NUMB: variants seen among roughly 807,000 people sequenced by gnomAD.
NUMB encodes the protein NUMB endocytic adaptor protein.
NUMB carries 29 observed loss-of-function variants against 59.7 expected under a neutral mutation model. The ratio of observed to expected loss-of-function variants is 0.49; its 90% CI spans 0.36 to 0.66. The LOEUF (loss-of-function observed/expected upper bound fraction) is 0.66. Among genes scored for constraint, NUMB ranks in the 30% least tolerant of loss-of-function variants. The pLI is 0.00. For synonymous variants in NUMB, 288 were observed against 288.2 expected (o/e 1.00, Z 0.01); for missense variants, 723 against 822.0 (o/e 0.88, Z 1.47).
chr14:73,346,942 C>A (rs556957065), intron 4 of NUMB, among the ~76,000 whole-genome samples: 2 of 152,258 alleles, frequency 1.3e-5, no homozygotes, highest in African/African-American at 4.8e-5. Context: ...TAATTATGCT[C>A]AAGTAGTTCC....
At chr14:73,316,536 G>T in intron 5 of NUMB, 114 bp from the exon 6 acceptor site, 3 of 912,144 alleles carry the variant, frequency 3.3e-6, no homozygotes, top group Non-Finnish European at 3.5e-6. Flanking sequence ...GGGAGAAGGG[G>T]TGGGAGTGAG....
chr14:73,371,997 A>G (rs1213692621), intron 2 of NUMB, among the ~76,000 whole-genome samples: 1 of 152,038 alleles, frequency 6.6e-6, no homozygotes, highest in Non-Finnish European at 1.5e-5. Context: ...TTTGGAAGGC[A>G]GGCGTGGGAG....
rs376139748 is a variant in NUMB, at chr14:73,337,366, T to C, written c.127-14162A>G. 3.3e-5 allele frequency among the ~76,000 whole-genome samples: 5 copies of C among 152,098 alleles called. No homozygotes were observed. In the South Asian group the frequency reaches 1.0e-3, roughly 32 times the overall value. On this transcript the variant is annotated intron_variant, in intron 4 of 12. Transcript: ENST00000555238. ...AAAATACAAAATTAGCTGGGAGTGG[T>C]GGTGCATGCCTGTAATCCCAGCTAC...
At chr14:73,359,916 T>C (rs1894021794) in intron 3 of NUMB, among the ~76,000 whole-genome samples, 1 of 152,150 alleles carries the variant, frequency 6.6e-6, no homozygotes, top group African/African-American at 2.4e-5. Context: ...AAAAGACTTC[T>C]AAAATATATC....
Position 73,454,548 on chromosome 14 carries a change from C to T in NUMB, c.-233+3945G>A, listed in dbSNP as rs1020248644. Among the ~76,000 whole-genome samples the T allele has an allele frequency of 2.6e-5, 4 of 152,252 alleles. No individual in the cohort carries two copies. In the South Asian group the frequency reaches 8.3e-4, roughly 32 times the overall value. Reference sequence around the variant, plus strand: ...CAGAGACTTATAAAACAAGACAAGGCTTCTCTGAAATAGAAAATAAACCTA... The same window carrying T: ...CAGAGACTTATAAAACAAGACAAGGTTTCTCTGAAATAGAAAATAAACCTA... On this transcript the variant is annotated intron_variant, in intron 1 of 12. Coordinates refer to ENST00000555238, the MANE Select transcript of NUMB (RefSeq NM_001005743.2).
At chr14:73,389,196 G>A (rs1033555610) in intron 2 of NUMB, among the ~76,000 whole-genome samples, 2 of 145,884 alleles carry the variant, frequency 1.4e-5, no homozygotes, top group East Asian at 2.1e-4. Context: ...GTTTGAACCC[G>A]GGAGTCTGAG....
At chr14:73,290,034 T>C (rs1405134983) in intron 8 of NUMB, among the ~76,000 whole-genome samples, 1 of 152,170 alleles carries the variant, frequency 6.6e-6, no homozygotes, top group Non-Finnish European at 1.5e-5. Context: ...CAATCTATGT[T>C]TTAAAACAAG....
intron 2 of NUMB, among the ~76,000 whole-genome samples, chr14:73,382,962 A>G (rs1594971145): frequency 6.6e-6 from 1 of 152,188 alleles, no homozygotes. Context: ...CCTGGCCAAT[A>G]TGGCAAAACC....
rs760184189 is a variant in NUMB, at chr14:73,278,809, ACT to A, written c.1240+470_1240+471del. ...GTGGCGCAATCTTGGCTCACGGCAA[ACT>A]CTGTCTCCCAGGTTCAAGCGATTCT... On this transcript the variant is annotated intron_variant, in intron 12 of 12. Transcript: ENST00000555238. Among the ~76,000 whole-genome samples the A allele has an allele frequency of 6.8e-5, 10 of 146,378 alleles. No individual in the cohort carries two copies. The South Asian group carries it at 1.3e-3, about 19-fold the overall frequency.
Position 73,287,132 on chromosome 14 carries a change from T to C in NUMB, c.633A>G (p.Lys211=), listed in dbSNP as rs756305905. The change falls in exon 9 of 13, where the codon AAA becomes AAG. Residue 211 remains lysine, a synonymous_variant. Transcript: ENST00000555238. ...TACCTTTCTTGGCATCTTGCATTTGTTTCATGATCTCCTCTCTTTCTGCTT... is the reference window on the plus strand; with the variant it reads ...TACCTTTCTTGGCATCTTGCATTTGCTTCATGATCTCCTCTCTTTCTGCTT... ...TEQAEREEIM[K]QMQDAKKAET... 46 of 1,614,040 alleles carry C rather than the reference T, an allele frequency of 2.8e-5. No individual in the cohort carries two copies. The highest frequency in any genetic ancestry group is 3.3e-4 in the Middle Eastern group (2 of 6,062).
chr14:73,430,817 C>T (rs1444865297), intron 1 of NUMB, among the ~76,000 whole-genome samples: 4 of 151,704 alleles, frequency 2.6e-5, no homozygotes, highest in East Asian at 2.0e-4. Context: ...TGGTGGCGGG[C>T]GCCTGTAGTC....
In NUMB at chr14:73,379,940, G is replaced by A. The variant is rs117584824; in HGVS notation, c.-100-12959C>T. Among the ~76,000 whole-genome samples the A allele has an allele frequency of 6.8e-3, 1,042 of 152,284 alleles. 5 individuals carry two copies. Among genetic ancestry groups the A allele is most frequent in the South Asian group, 0.03 (143 of 4,828 alleles). On this transcript the variant is annotated intron_variant, in intron 2 of 12. Transcript: ENST00000555238. ...AAAGGGTTCTGAGAGTAGGAATAAC[G>A]AGATTTATGTTTTTTAAGAATCACC...
At chr14:73,397,528 A>AT (rs1359968058) in intron 2 of NUMB, among the ~76,000 whole-genome samples, 3 of 152,204 alleles carry the variant, frequency 2.0e-5, no homozygotes, top group African/African-American at 7.2e-5. Flanking sequence ...CTCTGGTGAG[A>AT]TAGTGCTAGC....
intron 6 of NUMB, among the ~76,000 whole-genome samples, chr14:73,313,881 C>T (rs936318763): frequency 6.6e-6 from 1 of 150,644 alleles, no homozygotes; most frequent in Non-Finnish European, 1.5e-5. Context: ...TATCTTGGCT[C>T]ATTGCAACCT....
At chr14:73,295,437 T>C (rs1427844615) in intron 7 of NUMB, among the ~76,000 whole-genome samples, 2 of 152,328 alleles carry the variant, frequency 1.3e-5, no homozygotes, top group Admixed American at 1.3e-4. Context: ...ATTAAATACA[T>C]AGCTTTCAAG....
intron 6 of NUMB, among the ~76,000 whole-genome samples, chr14:73,299,879 C>A (rs1028195044): frequency 6.6e-6 from 1 of 151,998 alleles, no homozygotes; most frequent in African/African-American, 2.4e-5. Flanking sequence ...TGGATTAAGA[C>A]AAATATGAGA....
At chr14:73,413,249 G>C (rs1338342711) in intron 1 of NUMB, among the ~76,000 whole-genome samples, 4 of 150,904 alleles carry the variant, frequency 2.7e-5, no homozygotes, top group African/African-American at 9.7e-5. Flanking sequence ...ACCACGCCCA[G>C]CTAATTTTTG....
chr14:73,385,176 T>G (rs1895444665), intron 2 of NUMB, among the ~76,000 whole-genome samples: 1 of 152,016 alleles, frequency 6.6e-6, no homozygotes, highest in East Asian at 1.9e-4. Flanking sequence ...TTATTTTATT[T>G]TTTTAGAGAC....
At chr14:73,332,014 A>G (rs894288461) in intron 4 of NUMB, among the ~76,000 whole-genome samples, 4 of 152,150 alleles carry the variant, frequency 2.6e-5, no homozygotes, top group African/African-American at 9.7e-5. Context: ...CAGGGTTATG[A>G]CTTATGAAGT....
Sources: allele counts gnomAD v4.1 joint callset (sites outside exome capture counted in the v4.1 genomes callset), GRCh38; gene constraint gnomAD v4.1.1; transcripts MANE v1.5; gene names NCBI Gene and HGNC (gene_info 2026-07-23, HGNC 2026-07-21).